The following CLVS1 variants were observed in gnomAD, a reference collection of about 807,000 sequenced individuals.
CLVS1 encodes clavesin-1.
In CLVS1, 10 loss-of-function variants were observed where a neutral mutation model predicts 33.1. That is an observed-to-expected ratio of 0.30 (90% CI 0.19 to 0.51). CLVS1 has a LOEUF of 0.51. Among genes scored for constraint, CLVS1 ranks in the 20% least tolerant of loss-of-function variants. The pLI, the probability that CLVS1 is intolerant of heterozygous loss-of-function variation, is 0.97. For missense variants in CLVS1, 343 were observed against 433.4 expected (o/e 0.79, Z 1.85); for synonymous variants, 163 against 166.1 (o/e 0.98, Z 0.14).
At chr8:61,307,515 G>T (rs2129595209) in intron 2 of CLVS1, among the ~76,000 whole-genome samples, 1 of 152,152 alleles carries the variant, frequency 6.6e-6, no homozygotes, top group Middle Eastern at 3.4e-3. Context: ...AAAGGTGAGG[G>T]ATAGGGCAAA....
chr8:61,336,941 G>C (rs1811829974), intron 2 of CLVS1, among the ~76,000 whole-genome samples: 1 of 152,148 alleles, frequency 6.6e-6, no homozygotes, highest in Non-Finnish European at 1.5e-5. Context: ...ATAGGTTATG[G>C]CAAAAAGAGC....
chr8:61,300,924 TTTC>T (rs1309309254), intron 2 of CLVS1: 6 of 152,234 alleles, frequency 3.9e-5, no homozygotes, highest in Non-Finnish European at 7.3e-5. Context: ...GTCCTACCAC[TTTC>T]TTCTTATAAA....
the CLVS1 span, among the ~76,000 whole-genome samples, chr8:61,016,182 G>A: frequency 2.6e-5 from 4 of 152,192 alleles, no homozygotes; most frequent in Middle Eastern, 3.2e-3. Flanking sequence ...AAAACATCTT[G>A]TGTTTAGACT....
the CLVS1 span, among the ~76,000 whole-genome samples, chr8:61,039,334 C>T: frequency 6.6e-6 from 1 of 152,058 alleles, no homozygotes; most frequent in Non-Finnish European, 1.5e-5. Context: ...ACTAAAGTGC[C>T]ATGATTCACT....
chr8:61,176,529 G>T (rs963981950), intron 2 of CLVS1, among the ~76,000 whole-genome samples: 2 of 152,098 alleles, frequency 1.3e-5, no homozygotes, highest in African/African-American at 4.8e-5. Flanking sequence ...AATTTTAAAA[G>T]AAGAGGGGGC....
intron 2 of CLVS1, among the ~76,000 whole-genome samples, chr8:61,257,557 C>A (rs1265549100): frequency 6.6e-6 from 1 of 152,136 alleles, no homozygotes; most frequent in African/African-American, 2.4e-5. Context: ...TTCTATGTAC[C>A]ATTGCAGAGC....
At position 61,392,585 on chromosome 8, in the gene CLVS1, C is replaced by T. The variant is rs547971011; in HGVS notation, c.630+15806C>T. The stretch of plus-strand genomic sequence containing the variant: ...TTATGATTAGAATGATAGCCTGGCA[C>T]GGTGGCTCACACCTGTAATCCCAGC... On this transcript the variant is annotated intron_variant, in intron 3 of 5. Coordinates refer to ENST00000325897, the MANE Select transcript of CLVS1 (RefSeq NM_173519.3). Among the ~76,000 whole-genome samples the T allele has an allele frequency of 3.9e-5, 6 of 152,200 alleles. No individual in the cohort carries two copies. In the South Asian group the frequency reaches 1.0e-3, roughly 26 times the overall value.
chr8:61,493,782 A>G (rs754286802), intron 5 of CLVS1, among the ~76,000 whole-genome samples: 39 of 152,250 alleles, frequency 2.6e-4, no homozygotes, highest in Non-Finnish European at 2.1e-4. Flanking sequence ...TTTAAGAAAG[A>G]AAGCTGGTAC....
At chr8:61,098,135 G>A (rs1420708304) in intron 1 of CLVS1, among the ~76,000 whole-genome samples, 7 of 152,270 alleles carry the variant, frequency 4.6e-5, no homozygotes, top group East Asian at 1.9e-4. Context: ...ACTCCAGCCT[G>A]AGTGACAGAG....
At chr8:61,254,318 C>T (rs1016306776) in intron 2 of CLVS1, among the ~76,000 whole-genome samples, 3 of 152,180 alleles carry the variant, frequency 2.0e-5, no homozygotes, top group Non-Finnish European at 2.9e-5. Flanking sequence ...TGTGAGGTGT[C>T]AGTCTGCCCC....
chr8:61,144,904 T>A (rs1388894722), intron 2 of CLVS1, among the ~76,000 whole-genome samples: 4 of 152,216 alleles, frequency 2.6e-5, no homozygotes, highest in African/African-American at 9.6e-5. Flanking sequence ...TAATTTTTGG[T>A]CTTTTTAGTA....
chr8:61,283,369 A>G (rs1199262145), upstream of CLVS1, among the ~76,000 whole-genome samples: 3 of 152,212 alleles, frequency 2.0e-5, no homozygotes, highest in South Asian at 4.1e-4. Flanking sequence ...TCAGTATACA[A>G]TGATGCAGCA....
At chr8:61,365,527 C>CA (rs142110433) in intron 2 of CLVS1, among the ~76,000 whole-genome samples, 2,887 of 140,418 alleles carry the variant, frequency 0.021, 33 homozygotes, top group African/African-American at 0.033. Flanking sequence ...AACACCATGT[C>CA]AAAAAAAAAA....
intron 2 of CLVS1, among the ~76,000 whole-genome samples, chr8:61,176,406 G>T (rs1289345902): frequency 6.6e-6 from 1 of 152,140 alleles, no homozygotes; most frequent in Non-Finnish European, 1.5e-5. Flanking sequence ...GCCCACCCAA[G>T]AGCAGAATTT....
intron 2 of CLVS1, among the ~76,000 whole-genome samples, chr8:61,140,187 C>A (rs1424180180): frequency 6.6e-6 from 1 of 152,298 alleles, no homozygotes. Context: ...ATGATTTTAT[C>A]CTTGGGCGAA....
intron 1 of CLVS1, among the ~76,000 whole-genome samples, chr8:61,119,258 A>G (rs1185705528): frequency 3.9e-5 from 6 of 151,900 alleles, no homozygotes; most frequent in Admixed American, 1.3e-4. Flanking sequence ...TTTTGAGCCT[A>G]TGTGTGTCTC....
upstream of CLVS1, among the ~76,000 whole-genome samples, chr8:61,287,695 A>G (rs1809818020): frequency 6.6e-6 from 1 of 152,172 alleles, no homozygotes; most frequent in South Asian, 2.1e-4. Context: ...AATAATTCCC[A>G]TAGGTTTGTG....
intron 3 of CLVS1, among the ~76,000 whole-genome samples, chr8:61,441,872 G>GAGA (rs1816563018): frequency 6.6e-6 from 1 of 152,178 alleles, no homozygotes; most frequent in Admixed American, 6.5e-5. Context: ...AACACTGTCT[G>GAGA]AGACTCCTAA....
chr8:61,412,621 A>G (rs1051911998), intron 3 of CLVS1, among the ~76,000 whole-genome samples: 17 of 152,194 alleles, frequency 1.1e-4, no homozygotes, highest in African/African-American at 4.1e-4. Context: ...TCTTGTAACA[A>G]CCGGAGATGG....
Sources: gnomAD v4.1 joint callset for allele counts (sites outside exome capture counted in the v4.1 genomes callset) on GRCh38, gnomAD v4.1.1 for gene constraint, MANE v1.5 for transcripts, NCBI Gene and HGNC (gene_info 2026-07-23, HGNC 2026-07-21) for gene names.